Variants in REPIN1 observed in about 807,000 individuals in gnomAD.
The protein encoded by REPIN1 is DNA-binding protein REPIN1.
In REPIN1, 4 loss-of-function variants were observed where a neutral mutation model predicts 5.7. The observed-to-expected ratio is 0.71, with a 90% CI of 0.35 to 1.62. REPIN1 has a LOEUF of 1.62. REPIN1 is among the 40% of genes most tolerant of loss of function. REPIN1 has a pLI of 0.05. For missense variants in REPIN1, 854 were observed against 901.0 expected (o/e 0.95, Z 0.67); for synonymous variants, 410 against 386.2 (o/e 1.06, Z -0.72).
Position 150,373,199 on chromosome 7 carries a change from C to G in REPIN1, c.*254C>G. On this transcript the variant is annotated 3_prime_UTR_variant, in exon 3 of 3. Transcript: ENST00000489432. ...GTGCTAAGGCTCCGTCCTGACTGCC[C>G]TGTGCCCTGGAAAAGCAGCAATAGC... The G allele has an allele frequency of 1.7e-6, 1 of 576,330 alleles. No homozygotes were observed. Among genetic ancestry groups the G allele is most frequent in the Non-Finnish European group, 3.1e-6 (1 of 320,224 alleles). 35.7% of individuals were successfully genotyped at this position (576,330 alleles called of 1,614,324 possible). A position where few individuals can be genotyped will look rare whatever the true frequency, so the allele number is the denominator to read the frequency against.
Position 150,373,091 on chromosome 7 carries a change from T to A in REPIN1, c.*146T>A. ...TGGAAGACGCGGGGAGTGAGCTGGG[T>A]GGGCCCTGCTAGCGAGAGAGGTCAA... On this transcript the variant is annotated 3_prime_UTR_variant, in exon 3 of 3. Coordinates refer to ENST00000489432, the MANE Select transcript of REPIN1 (RefSeq NM_001099695.2). 8.3e-7 allele frequency: 1 copy of A among 1,204,450 alleles called. No individual in the cohort carries two copies. Among genetic ancestry groups the A allele is most frequent in the Non-Finnish European group, 1.1e-6 (1 of 872,936 alleles). 74.6% of individuals were successfully genotyped at this position (1,204,450 alleles called of 1,614,324 possible).
In REPIN1 at chr7:150,372,584, C is replaced by T. The variant is rs1799964472; in HGVS notation, c.1514C>T (p.Ala505Val). Residue 505 changes from alanine to valine, a missense_variant, in exon 3 of 3, where the codon GCG (alanine) becomes GTG (valine). Around this residue, in one of 5 missense-constraint regions of REPIN1, gnomAD observed 327 missense variants for 307.8 expected, o/e 1.06. Coordinates refer to ENST00000489432, the MANE Select transcript of REPIN1 (RefSeq NM_001099695.2). ...TTCTCCCAGGGCAGCCATCTGGCGGCGCATCGGCGCGACCACGCCCCCGAT... is the reference window on the plus strand; with the variant it reads ...TTCTCCCAGGGCAGCCATCTGGCGGTGCATCGGCGCGACCACGCCCCCGAT... ...RRFSQGSHLAAHRRDHAPDRP... is the reference protein window; with the variant it reads ...RRFSQGSHLAVHRRDHAPDRP... 5 of 1,602,972 alleles carry T rather than the reference C, an allele frequency of 3.1e-6. No homozygotes were observed. The East Asian group carries it at 8.9e-5, about 29-fold the overall frequency.
chr7:150,368,930 C>T lies in REPIN1; in HGVS notation c.-53C>T. 2.7e-6 allele frequency: 1 copy of T among 370,758 alleles called. No homozygotes were observed. Among genetic ancestry groups the T allele is most frequent in the East Asian group, 4.0e-5 (1 of 24,958 alleles). 23.0% of individuals were successfully genotyped at this position (370,758 alleles called of 1,614,324 possible). A position where few individuals can be genotyped will look rare whatever the true frequency, so the allele number is the denominator to read the frequency against. Reference sequence around the variant, plus strand: ...GGACGGGCGCCGCGTCCCTGCACAGCCCGCCGCAGAGGTACGGCCGGGGCA... The same window carrying T: ...GGACGGGCGCCGCGTCCCTGCACAGTCCGCCGCAGAGGTACGGCCGGGGCA... On this transcript the variant is annotated 5_prime_UTR_variant, in exon 1 of 3. Transcript: ENST00000489432.
Position 150,371,586 on chromosome 7 carries a change from C to T in REPIN1, c.516C>T (p.Gly172=), listed in dbSNP as rs1169423526. Reference sequence around the variant, plus strand: ...ATGCTGCTGCCACCCCAGACCTGGGCTTTGCCTGCCACCTCTGTGGGCAGA... The same window carrying T: ...ATGCTGCTGCCACCCCAGACCTGGGTTTTGCCTGCCACCTCTGTGGGCAGA... ...QVHAAATPDL[G]FACHLCGQSF... is the part of the protein sequence containing the mutation. The change falls in exon 3 of 3, where the codon GGC becomes GGT. Residue 172 remains glycine (G), a synonymous_variant. Transcript: ENST00000489432. 4 of 1,604,782 alleles carry T rather than the reference C, an allele frequency of 2.5e-6. No homozygotes were observed. The South Asian group carries it at 3.3e-5, about 13-fold the overall frequency.
chr7:150,368,773 T>G (rs1585066540), upstream of REPIN1: 3 of 281,986 alleles, frequency 1.1e-5, no homozygotes, highest in East Asian at 2.1e-4. Context: ...GCTCCTGTAG[T>G]CACGTGGCGC....
rs1266299278 is a variant in REPIN1 at position 150,372,397 on chromosome 7, C to T, written c.1327C>T (p.Leu443=). The T allele has an allele frequency of 6.7e-7, 1 of 1,487,994 alleles. No homozygotes were observed. Among genetic ancestry groups the T allele is most frequent in the Non-Finnish European group, 8.9e-7 (1 of 1,125,886 alleles). The allele number at this position is 1,487,994 out of a possible 1,614,324, so 92.2% of individuals were successfully genotyped here. A position where few individuals can be genotyped will look rare whatever the true frequency, so the allele number is the denominator to read the frequency against. ...SCDDCGRSFR[L]ERFLRAHQRQ... The stretch of plus-strand genomic sequence containing the variant: ...CGACGACTGCGGCAGGAGCTTCCGG[C>T]TGGAGCGCTTCCTGCGGGCCCACCA... Residue 443 remains leucine (L), a synonymous_variant, in exon 3 of 3, where the codon CTG becomes TTG. Transcript: ENST00000489432.
chr7:150,371,440 C>A lies in REPIN1; in HGVS notation c.370C>A (p.Pro124Thr). The change falls in exon 3 of 3, where the codon CCT (proline) becomes ACT (threonine). Residue 124 changes from proline to threonine, a missense_variant. By Grantham distance (38) the Pro-to-Thr change is conservative. This residue lies in a region of REPIN1 where 409 missense variants were observed against 418.6 expected (regional missense o/e 0.98). Transcript: ENST00000489432. ...CTGTGCCCACTGTCGAAGGCACTTCCCTGGCTGGGTGGCTCTGTGGCTTCA... is the reference window on the plus strand; with the variant it reads ...CTGTGCCCACTGTCGAAGGCACTTCACTGGCTGGGTGGCTCTGTGGCTTCA... ...HRCAHCRRHF[P>T]GWVALWLHTR... 1 of 1,605,052 alleles carries A rather than the reference C, an allele frequency of 6.2e-7. No homozygotes were observed. The highest frequency in any genetic ancestry group is 8.5e-7 in the Non-Finnish European group (1 of 1,177,912).
At chr7:150,371,044 T>C in intron 2 of REPIN1, 184 bp from the exon 3 acceptor site, 1 of 721,428 alleles carries the variant, frequency 1.4e-6, no homozygotes. Context: ...CCTTGAAATG[T>C]TATCTAAAAA....
chr7:150,372,293 C>T lies in REPIN1; in HGVS notation c.1223C>T (p.Pro408Leu), dbSNP rs1178521453. Residue 408 changes from proline (P) to leucine (L), a missense_variant, in exon 3 of 3, where the codon CCG becomes CTG. Pro to Leu is a moderately conservative substitution (Grantham distance 98). This residue lies in a region of REPIN1 where 327 missense variants were observed against 307.8 expected (regional missense o/e 1.06). Coordinates refer to ENST00000489432, the MANE Select transcript of REPIN1 (RefSeq NM_001099695.2). ...CCCACCCCGGCGGTACCTCTGAAAC[C>T]GGCCCAGGAGCCGCCGCCAGGGGCC... ...AEPTPAVPLK[P>L]AQEPPPGAPP... is the part of the protein sequence containing the mutation. 1.3e-6 allele frequency: 2 copies of T among 1,521,684 alleles called. No individual in the cohort carries two copies. Among genetic ancestry groups the T allele is most frequent in the Admixed American group, 2.1e-5 (1 of 47,518 alleles). The allele number at this position is 1,521,684 out of a possible 1,614,324, so 94.3% of individuals were successfully genotyped here.
Position 150,372,458 on chromosome 7 carries a change from C to A in REPIN1, c.1388C>A (p.Ala463Asp). The change falls in exon 3 of 3, where the codon GCC becomes GAC. Residue 463 changes from alanine (A) to aspartate (D), a missense_variant. By Grantham distance (126) the Ala-to-Asp change is moderately radical. This residue lies in a region of REPIN1 where 327 missense variants were observed against 307.8 expected (regional missense o/e 1.06). Transcript: ENST00000489432. ...QHTGERPFTC[A>D]ECGKNFGKKT... ...ACCGGGGAGCGGCCCTTCACCTGCG[C>A]CGAGTGCGGGAAGAACTTCGGCAAG... is the stretch of plus-strand genomic sequence containing the variant. The A allele has an allele frequency of 1.3e-6, 2 of 1,533,980 alleles. No homozygotes were observed. Among genetic ancestry groups the A allele is most frequent in the South Asian group, 2.4e-5 (2 of 81,680 alleles).
At chr7:150,371,108 C>A (rs1032743510) in intron 2 of REPIN1, 120 bp from the exon 3 acceptor site, 2 of 1,145,308 alleles carry the variant, frequency 1.7e-6, no homozygotes, top group Non-Finnish European at 2.4e-6. Context: ...TAGTCTAGCT[C>A]CATGTCCGGG....
In REPIN1 at chr7:150,372,448, T is replaced by C. The variant is rs1244481114; in HGVS notation, c.1378T>C (p.Phe460Leu). Residue 460 changes from phenylalanine (F) to leucine (L), a missense_variant, in exon 3 of 3, where the codon TTC becomes CTC. By Grantham distance (22) the Phe-to-Leu change is conservative (BLOSUM62 0). This residue lies in a region of REPIN1 where 327 missense variants were observed against 307.8 expected (regional missense o/e 1.06). Coordinates refer to ENST00000489432, the MANE Select transcript of REPIN1 (RefSeq NM_001099695.2). ...HQRQHTGERP[F>L]TCAECGKNFG... Reference sequence around the variant, plus strand: ...GCGGCAGCACACCGGGGAGCGGCCCTTCACCTGCGCCGAGTGCGGGAAGAA... The same window carrying C: ...GCGGCAGCACACCGGGGAGCGGCCCCTCACCTGCGCCGAGTGCGGGAAGAA... 2.0e-6 allele frequency: 3 copies of C among 1,523,398 alleles called. No homozygotes were observed. The highest frequency in any genetic ancestry group is 2.6e-6 in the Non-Finnish European group (3 of 1,142,486). The allele number at this position is 1,523,398 out of a possible 1,614,324, so 94.4% of individuals were successfully genotyped here. A position where few individuals can be genotyped will look rare whatever the true frequency, so the allele number is the denominator to read the frequency against.
chr7:150,372,354 C>G lies in REPIN1; in HGVS notation c.1284C>G (p.Pro428=). The change falls in exon 3 of 3, where the codon CCC becomes CCG. Residue 428 remains proline, a synonymous_variant. Transcript: ENST00000489432. The stretch of plus-strand genomic sequence containing the variant: ...ACCCGCAGGACCCGATCGAAGCCCC[C>G]CCCTCCCTCTACAGCTGCGACGACT... ...PEHPQDPIEA[P]PSLYSCDDCG... 1 of 1,506,650 alleles carries G rather than the reference C, an allele frequency of 6.6e-7. No homozygotes were observed. The highest frequency in any genetic ancestry group is 8.8e-7 in the Non-Finnish European group (1 of 1,135,428). 93.3% of individuals were successfully genotyped at this position (1,506,650 alleles called of 1,614,324 possible). A position where few individuals can be genotyped will look rare whatever the true frequency, so the allele number is the denominator to read the frequency against.
chr7:150,369,952 C>T, intron 2 of REPIN1, 84 bp downstream of exon 2: 1 of 1,470,300 alleles, frequency 6.8e-7, no homozygotes, highest in East Asian at 2.3e-5. Flanking sequence ...AGGAAATGGC[C>T]CTTTCTCATA....
Position 150,372,205 on chromosome 7 carries a change from C to T in REPIN1, c.1135C>T (p.Gln379Ter), listed in dbSNP as rs1288388417. ...TCACAAGCGATCCGAGGGGTCGGCC[C>T]AGGCCGCCCCCGGCCCGGGGAGCCC... ...KIHKRSEGSAQAAPGPGSPQL... is the reference protein window; with the variant it reads ...KIHKRSEGSA Residue 379 changes from glutamine (Q) to a stop codon, truncating the protein, a stop_gained, in exon 3 of 3, where the codon CAG becomes TAG. Coordinates refer to ENST00000489432, the MANE Select transcript of REPIN1 (RefSeq NM_001099695.2). LOFTEE classifies it low-confidence loss of function (END_TRUNC). 6.3e-7 allele frequency: 1 copy of T among 1,591,866 alleles called. No homozygotes were observed. The highest frequency in any genetic ancestry group is 8.5e-7 in the Non-Finnish European group (1 of 1,172,824).
At position 150,372,311 on chromosome 7, in the gene REPIN1, C is replaced by A; in HGVS notation, c.1241C>A (p.Pro414Gln). 1 of 1,333,750 alleles carries A rather than the reference C, an allele frequency of 7.5e-7. No individual in the cohort carries two copies. The highest frequency in any genetic ancestry group is 9.5e-7 in the Non-Finnish European group (1 of 1,048,702). The allele number at this position is 1,333,750 out of a possible 1,614,324, so 82.6% of individuals were successfully genotyped here. A position where few individuals can be genotyped will look rare whatever the true frequency, so the allele number is the denominator to read the frequency against. Residue 414 changes from proline (P) to glutamine (Q), a missense_variant, in exon 3 of 3, where the codon CCA (proline) becomes CAA (glutamine). Physicochemically the swap from Pro to Gln is moderately conservative, Grantham distance 76. Coordinates refer to ENST00000489432, the MANE Select transcript of REPIN1 (RefSeq NM_001099695.2). ...VPLKPAQEPP[P>Q]GAPPEHPQDP... ...CTGAAACCGGCCCAGGAGCCGCCGCCAGGGGCCCCGCCAGAGCACCCGCAG... is the reference window on the plus strand; with the variant it reads ...CTGAAACCGGCCCAGGAGCCGCCGCAAGGGGCCCCGCCAGAGCACCCGCAG...
upstream of REPIN1, chr7:150,368,708 A>C: frequency 1.7e-5 from 4 of 234,652 alleles, no homozygotes; most frequent in Non-Finnish European, 1.6e-5. Context: ...CGGCCCCGGC[A>C]GTCCCTCCCC....
At position 150,372,425 on chromosome 7, in the gene REPIN1, G is replaced by A. The variant is rs182100722; in HGVS notation, c.1355G>A (p.Arg452Gln). The A allele has an allele frequency of 6.0e-6, 9 of 1,502,086 alleles. No individual in the cohort carries two copies. The highest frequency in any genetic ancestry group is 5.2e-5 in the South Asian group (4 of 76,826). 93.0% of individuals were successfully genotyped at this position (1,502,086 alleles called of 1,614,324 possible). A position where few individuals can be genotyped will look rare whatever the true frequency, so the allele number is the denominator to read the frequency against. Residue 452 changes from arginine (R) to glutamine (Q), a missense_variant, in exon 3 of 3, where the codon CGG becomes CAG. Coordinates refer to ENST00000489432, the MANE Select transcript of REPIN1 (RefSeq NM_001099695.2). ...RLERFLRAHQRQHTGERPFTC... is the reference protein window; with the variant it reads ...RLERFLRAHQQQHTGERPFTC... ...GAGCGCTTCCTGCGGGCCCACCAGC[G>A]GCAGCACACCGGGGAGCGGCCCTTC...
At chr7:150,368,693 C>T, upstream of REPIN1, 1 of 230,500 alleles carries the variant, frequency 4.3e-6, no homozygotes, top group Non-Finnish European at 8.2e-6. Context: ...GGGGCGCCCG[C>T]GCCCCGGCCC....
Sources: gnomAD v4.1 joint callset for allele counts on GRCh38, gnomAD v4.1.1 for gene constraint, gnomAD v4.1.1 regional missense constraint, MANE v1.5 for transcripts, NCBI Gene and HGNC (gene_info 2026-07-23, HGNC 2026-07-21) for gene names.